The following PPARD variants were observed in gnomAD, a reference collection of about 807,000 sequenced individuals.
PPARD encodes the protein peroxisome proliferator-activated receptor delta.
In PPARD, 6 loss-of-function variants were observed where a neutral mutation model predicts 39.5. The ratio of observed to expected loss-of-function variants is 0.15; its 90% confidence interval spans 0.08 to 0.30. PPARD has a LOEUF of 0.30. Ranked by LOEUF, PPARD falls within the 10% of genes least tolerant of loss-of-function variation. The pLI, the probability that PPARD is intolerant of heterozygous loss-of-function variation, is 1.00. For missense variants in PPARD, 397 were observed against 596.8 expected (o/e 0.67, Z 3.49); for synonymous variants, 210 against 231.3 (o/e 0.91, Z 0.83).
intron 4 of PPARD, 21 bp from the exon 5 acceptor site, chr6:35,421,799 C>A: frequency 6.3e-7 from 1 of 1,595,696 alleles, no homozygotes. Context: ...GGCCTTTCCT[C>A]ACCTGTTCTT....
chr6:35,397,027 C>G (rs980059553), intron 2 of PPARD, among the ~76,000 whole-genome samples: 6 of 152,128 alleles, frequency 3.9e-5, no homozygotes, highest in Admixed American at 6.5e-5. Context: ...CCTGAGGCCT[C>G]CAGAGGCAAT....
At chr6:35,414,333 A>T (rs1765615835) in intron 3 of PPARD, among the ~76,000 whole-genome samples, 1 of 143,200 alleles carries the variant, frequency 7.0e-6, no homozygotes, top group Admixed American at 7.3e-5. Context: ...GATCATGGTT[A>T]AGGAGGCTGT....
rs751879635 is a variant in PPARD at position 35,411,145 on chromosome 6, G to A, written c.58G>A (p.Val20Met). The change falls in exon 3 of 8, where the codon GTG (valine) becomes ATG (methionine). Residue 20 changes from valine to methionine, a missense_variant. Physicochemically the swap from Val to Met is conservative, Grantham distance 21. Transcript: ENST00000360694. Reference sequence around the variant, plus strand: ...CCGGGAAGAGGAGGAGAAAGAGGAAGTGGCAGAGGCAGAAGGAGCCCCAGA... The same window carrying A: ...CCGGGAAGAGGAGGAGAAAGAGGAAATGGCAGAGGCAGAAGGAGCCCCAGA... ...EVREEEEKEE[V>M]AEAEGAPELN... The A allele has an allele frequency of 6.3e-7, 1 of 1,584,462 alleles. No homozygotes were observed. The highest frequency in any genetic ancestry group is 8.6e-7 in the Non-Finnish European group (1 of 1,164,166).
At chr6:35,408,468 G>A (rs566715909) in intron 2 of PPARD, among the ~76,000 whole-genome samples, 2 of 152,312 alleles carry the variant, frequency 1.3e-5, no homozygotes, top group Admixed American at 1.3e-4. Context: ...CAGCACCTGT[G>A]AACATTTCCT....
intron 2 of PPARD, chr6:35,397,456 T>C: frequency 1.1e-5 from 9 of 855,800 alleles, no homozygotes; most frequent in African/African-American, 7.3e-5. Context: ...CCACCACATT[T>C]CTACCAATTT....
In PPARD at chr6:35,416,668, T is replaced by G. The variant is rs924049258; in HGVS notation, c.131-3459T>G. 2.6e-5 allele frequency among the ~76,000 whole-genome samples: 4 copies of G among 152,176 alleles called. No individual in the cohort carries two copies. In the East Asian group the frequency reaches 7.7e-4, roughly 29 times the overall value. ...ACCCCCACCTCTACCCAGGACATCA[T>G]GATGCGGGGGAAGTGGTGGAACCTT... On this transcript the variant is annotated intron_variant, in intron 3 of 7. Coordinates refer to ENST00000360694, the MANE Select transcript of PPARD (RefSeq NM_006238.5).
intron 2 of PPARD, among the ~76,000 whole-genome samples, chr6:35,398,712 A>G (rs532614686): frequency 4.6e-5 from 7 of 152,348 alleles, no homozygotes; most frequent in Non-Finnish European, 7.4e-5. Context: ...GAGGAAGCCA[A>G]ATGAAGAGAA....
At chr6:35,374,131 C>A (rs1023102633) in intron 2 of PPARD, among the ~76,000 whole-genome samples, 3 of 152,114 alleles carry the variant, frequency 2.0e-5, no homozygotes, top group Non-Finnish European at 4.4e-5. Flanking sequence ...TGCACAGACA[C>A]AGGGTTTCCT....
At chr6:35,405,739 C>G (rs759744885) in intron 2 of PPARD, among the ~76,000 whole-genome samples, 12 of 152,082 alleles carry the variant, frequency 7.9e-5, no homozygotes, top group Non-Finnish European at 1.2e-4. Context: ...AGGCGATTCT[C>G]GTGCCTCAGC....
intron 2 of PPARD, among the ~76,000 whole-genome samples, chr6:35,358,151 C>T (rs112718546): frequency 5.9e-5 from 9 of 152,238 alleles, no homozygotes; most frequent in African/African-American, 9.6e-5. Flanking sequence ...CCCAAGTGTC[C>T]TTATGAGTGG....
intron 2 of PPARD, among the ~76,000 whole-genome samples, chr6:35,385,983 C>T (rs1243763384): frequency 6.6e-6 from 1 of 152,004 alleles, no homozygotes; most frequent in Non-Finnish European, 1.5e-5. Flanking sequence ...GAGTGCAAAG[C>T]CCCCAGAGGG....
At chr6:35,420,788 A>G (rs1465687879) in intron 4 of PPARD, among the ~76,000 whole-genome samples, 1 of 150,710 alleles carries the variant, frequency 6.6e-6, no homozygotes, top group Non-Finnish European at 1.5e-5. Flanking sequence ...TAGCCGTGAG[A>G]CAATCTTATG....
chr6:35,374,314 G>T (rs1385371643), intron 2 of PPARD, among the ~76,000 whole-genome samples: 2 of 137,070 alleles, frequency 1.5e-5, no homozygotes, highest in African/African-American at 3.2e-5. Flanking sequence ...GCGGTGGGGC[G>T]GGGGGGTTTA....
At chr6:35,346,434 C>T (rs191390438) in intron 1 of PPARD, among the ~76,000 whole-genome samples, 90 of 152,276 alleles carry the variant, frequency 5.9e-4, no homozygotes, top group African/African-American at 1.7e-3. Context: ...GCCCTGTGCC[C>T]GGTGCCATTG....
chr6:35,425,822 G>A lies in PPARD; in HGVS notation c.1079-10G>A. On this transcript the variant is annotated splice_polypyrimidine_tract_variant and intron_variant, in intron 7 of 7. Transcript: ENST00000360694. The surrounding 1 kb of genome is among the most constrained non-coding windows in gnomAD (Gnocchi z 4.5). ...TTCTGAGCTCCCTGGCGTGCCCTGT[G>A]TCCCCACAGACCGGCCAGGCCTCAT... 2 of 1,613,498 alleles carry A rather than the reference G, an allele frequency of 1.2e-6. No homozygotes were observed. The highest frequency in any genetic ancestry group is 1.7e-6 in the Non-Finnish European group (2 of 1,179,848).
chr6:35,424,400 T>C lies in PPARD; in HGVS notation c.699T>C (p.Asn233=), dbSNP rs1383462707. 4.3e-6 allele frequency: 7 copies of C among 1,613,840 alleles called. No individual in the cohort carries two copies. The highest frequency in any genetic ancestry group is 5.1e-6 in the Non-Finnish European group (6 of 1,179,934). ...GGCTGGTGTGGAAGCAGTTGGTGAA[T>C]GGCCTGCCTCCCTACAAGGAGATCA... is the stretch of plus-strand genomic sequence containing the variant. ...EKGLVWKQLV[N]GLPPYKEISV... The change falls in exon 7 of 8, where the codon AAT becomes AAC. Residue 233 remains asparagine, a synonymous_variant. Coordinates refer to ENST00000360694, the MANE Select transcript of PPARD (RefSeq NM_006238.5). This position sits in a 1 kb window ranked among gnomAD's most constrained non-coding sequence, Gnocchi z 7.1.
chr6:35,382,798 G>T (rs1471922778), intron 2 of PPARD, among the ~76,000 whole-genome samples: 4 of 152,172 alleles, frequency 2.6e-5, no homozygotes, highest in Admixed American at 2.6e-4. Flanking sequence ...CCTATCCTCA[G>T]TTTCTTCATC....
chr6:35,415,683 C>T (rs751359903), intron 3 of PPARD, among the ~76,000 whole-genome samples: 5 of 151,690 alleles, frequency 3.3e-5, no homozygotes, highest in South Asian at 2.1e-4. Flanking sequence ...AGTGAGATGC[C>T]GAGGTTAAGA....
At chr6:35,352,479 C>T (rs1026669144) in intron 2 of PPARD, among the ~76,000 whole-genome samples, 11 of 152,154 alleles carry the variant, frequency 7.2e-5, no homozygotes, top group African/African-American at 1.9e-4. Context: ...CCACCGCGCC[C>T]GGCCACAAAG....
Sources: allele counts gnomAD v4.1 joint callset (sites outside exome capture counted in the v4.1 genomes callset), GRCh38; gene constraint gnomAD v4.1.1; non-coding constraint Gnocchi (gnomAD v3.1); transcripts MANE v1.5; gene names NCBI Gene and HGNC (gene_info 2026-07-23, HGNC 2026-07-21).